MAGI2: variants seen among roughly 807,000 people sequenced by gnomAD.
MAGI2 encodes the protein membrane-associated guanylate kinase, WW and PDZ domain-containing protein 2.
In MAGI2, 35 loss-of-function variants were observed where a neutral mutation model predicts 133.3. The observed-to-expected ratio is 0.26, with a 90% CI of 0.20 to 0.35. The LOEUF (loss-of-function observed/expected upper bound fraction) is 0.35. Ranked by LOEUF, MAGI2 falls within the 10% of genes least tolerant of loss-of-function variation. MAGI2 has a pLI of 1.00. For missense variants in MAGI2, 1,636 were observed against 1,863.4 expected (o/e 0.88, Z 2.25); for synonymous variants, 729 against 710.6 (o/e 1.03, Z -0.41).
At chr7:78,623,672 C>T (rs1170770897) in intron 3 of MAGI2, among the ~76,000 whole-genome samples, 1 of 152,052 alleles carries the variant, frequency 6.6e-6, no homozygotes, top group East Asian at 1.9e-4. Context: ...ATGTCTCCAC[C>T]TAGATTGCCT....
intron 1 of MAGI2, among the ~76,000 whole-genome samples, chr7:79,017,216 TCA>T (rs1470777693): frequency 2.0e-5 from 3 of 152,190 alleles, no homozygotes; most frequent in Non-Finnish European, 4.4e-5. Context: ...TGGAAACAAT[TCA>T]GGCCCCTCCA....
In MAGI2 at chr7:78,314,571, G is replaced by T. The variant is rs138782002; in HGVS notation, c.1408+29207C>A. ...CCAGAACTTTGAAACTTTAGCATTG[G>T]CTCTATTAGTAACAGTTTAAGAGTG... On this transcript the variant is annotated intron_variant, in intron 9 of 21. Transcript: ENST00000354212. Among the ~76,000 whole-genome samples the T allele has an allele frequency of 3.0e-4, 46 of 152,222 alleles. 1 individual carries two copies. In the East Asian group the frequency reaches 7.0e-3, roughly 23 times the overall value.
At chr7:78,972,289 C>T (rs1178643015) in intron 2 of MAGI2, among the ~76,000 whole-genome samples, 5 of 151,766 alleles carry the variant, frequency 3.3e-5, no homozygotes. Context: ...ACCCAAAATC[C>T]TCTTTTCAGA....
chr7:78,256,376 G>C lies in MAGI2; in HGVS notation c.1614C>G (p.Val538=). The C allele has an allele frequency of 6.2e-7, 1 of 1,613,928 alleles. No homozygotes were observed. The highest frequency in any genetic ancestry group is 2.2e-5 in the East Asian group (1 of 44,790). ...AIMERPPPVM[V]NGRHNYETYL... is the part of the protein sequence containing the mutation. Reference sequence around the variant, plus strand: ...ATGTTTCATAGTTGTGTCTTCCATTGACCATCACTGGAGGTGGCCTCTCCA... The same window carrying C: ...ATGTTTCATAGTTGTGTCTTCCATTCACCATCACTGGAGGTGGCCTCTCCA... Residue 538 remains valine, a synonymous_variant, in exon 10 of 22, where the codon GTC becomes GTG. Transcript: ENST00000354212.
intron 9 of MAGI2, among the ~76,000 whole-genome samples, chr7:78,272,416 G>A (rs1260730682): frequency 6.6e-6 from 1 of 152,194 alleles, no homozygotes; most frequent in Non-Finnish European, 1.5e-5. Flanking sequence ...TGTATATTCT[G>A]TTGATTTCAG....
chr7:78,303,004 G>A (rs1797962439), intron 9 of MAGI2, among the ~76,000 whole-genome samples: 1 of 152,180 alleles, frequency 6.6e-6, no homozygotes, highest in South Asian at 2.1e-4. Flanking sequence ...CAAACCAGGA[G>A]GCAGGGAGGG....
At chr7:78,746,741 T>C (rs1179845224) in intron 2 of MAGI2, among the ~76,000 whole-genome samples, 1 of 152,210 alleles carries the variant, frequency 6.6e-6, no homozygotes, top group East Asian at 1.9e-4. Flanking sequence ...TAATGTTTTA[T>C]ACAGGTATCA....
intron 16 of MAGI2, among the ~76,000 whole-genome samples, chr7:78,136,269 G>A (rs373497034): frequency 4.7e-4 from 72 of 152,092 alleles, no homozygotes; most frequent in Non-Finnish European, 8.2e-4. Flanking sequence ...ACAGGCGCCC[G>A]CGACCACGCC....
Position 79,171,313 on chromosome 7 carries a change from C to A in MAGI2, c.302-164107G>T, listed in dbSNP as rs144644798. On this transcript the variant is annotated intron_variant, in intron 1 of 21. Transcript: ENST00000354212. The stretch of plus-strand genomic sequence containing the variant: ...ACAGGGTATTCTCCCCCTGAGTGTG[C>A]CTTTGTGTCCAAATCTTCCCTTTTT... 2.3e-3 allele frequency among the ~76,000 whole-genome samples: 346 copies of A among 152,110 alleles called. 1 individual carries two copies. Among genetic ancestry groups the A allele is most frequent in the African/African-American group, 7.7e-3 (319 of 41,526 alleles).
chr7:79,146,280 C>A (rs1328728274), intron 1 of MAGI2, among the ~76,000 whole-genome samples: 1 of 152,160 alleles, frequency 6.6e-6, no homozygotes, highest in Non-Finnish European at 1.5e-5. Context: ...GGCAACCACA[C>A]CTTTTTGTGC....
At chr7:79,306,643 C>A (rs1837839978) in intron 1 of MAGI2, among the ~76,000 whole-genome samples, 1 of 151,996 alleles carries the variant, frequency 6.6e-6, no homozygotes, top group Non-Finnish European at 1.5e-5. Flanking sequence ...ATGAAGTGGT[C>A]TGGATTTCAA....
At chr7:78,176,953 ATATAG>A (rs1391224337) in intron 14 of MAGI2, among the ~76,000 whole-genome samples, 1 of 151,278 alleles carries the variant, frequency 6.6e-6, no homozygotes, top group Non-Finnish European at 1.5e-5. Context: ...ACACACACAT[ATATAG>A]TATATTTCCT....
At chr7:78,167,809 T>C (rs1825754898) in intron 15 of MAGI2, 107 bp downstream of exon 15, 1 of 1,005,992 alleles carries the variant, frequency 9.9e-7, no homozygotes. Context: ...CTTCCTCATA[T>C]AATGTAGAAA....
At chr7:78,675,875 C>T in intron 2 of MAGI2, among the ~76,000 whole-genome samples, 1 of 151,996 alleles carries the variant, frequency 6.6e-6, no homozygotes, top group East Asian at 1.9e-4. Flanking sequence ...AGGATGTGTC[C>T]AAAACTCAAC....
intron 10 of MAGI2, among the ~76,000 whole-genome samples, chr7:78,228,752 A>G (rs895005655): frequency 1.3e-5 from 2 of 152,224 alleles, no homozygotes; most frequent in African/African-American, 4.8e-5. Flanking sequence ...ACACTCATTA[A>G]ATATAATGTA....
intron 1 of MAGI2, among the ~76,000 whole-genome samples, chr7:79,102,921 C>T (rs1236143831): frequency 6.6e-6 from 1 of 152,122 alleles, no homozygotes; most frequent in Non-Finnish European, 1.5e-5. Flanking sequence ...CCCATATAAT[C>T]TGGGTGTTCT....
chr7:79,229,884 A>G (rs1026200647), intron 1 of MAGI2, among the ~76,000 whole-genome samples: 1 of 150,600 alleles, frequency 6.6e-6, no homozygotes, highest in Non-Finnish European at 1.5e-5. Flanking sequence ...ATGCTGGTGC[A>G]GTGCACCCAC....
Position 78,777,753 on chromosome 7 carries a change from G to A in MAGI2, c.419-150514C>T, listed in dbSNP as rs373394798. Among the ~76,000 whole-genome samples the A allele has an allele frequency of 7.2e-4, 110 of 152,282 alleles. No individual in the cohort carries two copies. The South Asian group carries it at 0.022, about 30-fold the overall frequency. ...ACACTATCATATTATAATGGGCCGA[G>A]TGAAAGTAAAGGCATCCACTTAAAT... On this transcript the variant is annotated intron_variant, in intron 2 of 21. Coordinates refer to ENST00000354212, the MANE Select transcript of MAGI2 (RefSeq NM_012301.4).
At chr7:79,266,862 G>T (rs1040839085) in intron 1 of MAGI2, among the ~76,000 whole-genome samples, 5 of 152,070 alleles carry the variant, frequency 3.3e-5, no homozygotes, top group Non-Finnish European at 7.4e-5. Context: ...GTTCCCTAAA[G>T]AAACTAAAGG....
Sources: allele counts gnomAD v4.1 joint callset (sites outside exome capture counted in the v4.1 genomes callset), GRCh38; gene constraint gnomAD v4.1.1; transcripts MANE v1.5; gene names NCBI Gene and HGNC (gene_info 2026-07-23, HGNC 2026-07-21).